The following GPC5 variants were observed in gnomAD, a reference collection of about 807,000 sequenced individuals.
The protein encoded by GPC5 is glypican-5.
GPC5 carries 47 observed loss-of-function variants against 53.9 expected under a neutral mutation model. That is an observed-to-expected ratio of 0.87 (90% CI 0.69 to 1.11). The LOEUF is 1.11. Among genes scored for constraint, GPC5 ranks in the 50% most tolerant of loss-of-function variants. The probability of loss-of-function intolerance (pLI) is 0.00; values close to 1 mark genes in which losing one functional copy is unlikely to be tolerated. For missense variants in GPC5, 748 were observed against 713.1 expected, an observed-to-expected ratio of 1.05 and a Z score of -0.56; for synonymous variants, 286 against 263.3, an observed-to-expected ratio of 1.09 and a Z score of -0.84.
At chr13:92,383,025 A>G (rs1594152264) in intron 7 of GPC5, among the ~76,000 whole-genome samples, 2 of 147,624 alleles carry the variant, frequency 1.4e-5, no homozygotes, top group South Asian at 4.3e-4. Context: ...AAAAAAAAAA[A>G]GGAAATCGCA....
intron 7 of GPC5, among the ~76,000 whole-genome samples, chr13:92,380,545 C>T (rs560986828): frequency 1.3e-5 from 2 of 151,830 alleles, no homozygotes; most frequent in Non-Finnish European, 2.9e-5. Flanking sequence ...AAATGTCCAA[C>T]AATGATAGAC....
At chr13:92,766,728 TAG>T (rs753235922) in intron 7 of GPC5, among the ~76,000 whole-genome samples, 1 of 151,918 alleles carries the variant, frequency 6.6e-6, no homozygotes, top group Admixed American at 6.6e-5. Flanking sequence ...TAAGTCAAAA[TAG>T]AGAGAGAGAG....
At chr13:91,547,963 T>A (rs2138800876) in intron 2 of GPC5, among the ~76,000 whole-genome samples, 1 of 152,236 alleles carries the variant, frequency 6.6e-6, no homozygotes, top group South Asian at 2.1e-4. Flanking sequence ...GAGAGGAATT[T>A]CCTCAACTTG....
chr13:92,390,444 C>T lies in GPC5; in HGVS notation c.1561+245455C>T, dbSNP rs377298333. On this transcript the variant is annotated intron_variant, in intron 7 of 7. Coordinates refer to ENST00000377067, the MANE Select transcript of GPC5 (RefSeq NM_004466.6). ...TCTACAAAGATAAACAATGAACCAGCATTAGGGTGATGGAGACATTTGTGT... is the reference window on the plus strand; with the variant it reads ...TCTACAAAGATAAACAATGAACCAGTATTAGGGTGATGGAGACATTTGTGT... 2.6e-5 allele frequency among the ~76,000 whole-genome samples: 4 copies of T among 152,170 alleles called. No individual in the cohort carries two copies. In the East Asian group the frequency reaches 7.7e-4, roughly 29 times the overall value.
chr13:92,296,660 T>C (rs1566525578), intron 7 of GPC5, among the ~76,000 whole-genome samples: 1 of 152,018 alleles, frequency 6.6e-6, no homozygotes, highest in Non-Finnish European at 1.5e-5. Context: ...CAGGGAGGTA[T>C]GGAGGGAGAG....
chr13:92,652,753 C>T (rs935651698), intron 7 of GPC5, among the ~76,000 whole-genome samples: 11 of 152,144 alleles, frequency 7.2e-5, no homozygotes, highest in African/African-American at 2.4e-4. Flanking sequence ...CTCATCATAG[C>T]ATCATGGCAA....
rs751242834 is a variant in GPC5, at chr13:91,459,119, G to C, written c.325+10197G>C. ...CACTGGGTACAGTGCACACTGCTTGGGTGATGGGTGCACCAAAATTTCAGA... is the reference window on the plus strand; with the variant it reads ...CACTGGGTACAGTGCACACTGCTTGCGTGATGGGTGCACCAAAATTTCAGA... On this transcript the variant is annotated intron_variant, in intron 2 of 7. Transcript: ENST00000377067. 5.3e-5 allele frequency among the ~76,000 whole-genome samples: 8 copies of C among 151,774 alleles called. 1 individual carries two copies. Among genetic ancestry groups the C allele is most frequent in the Non-Finnish European group, 1.2e-4 (8 of 67,942 alleles).
At chr13:92,024,414 C>G (rs1346263292) in intron 6 of GPC5, among the ~76,000 whole-genome samples, 1 of 152,150 alleles carries the variant, frequency 6.6e-6, no homozygotes, top group African/African-American at 2.4e-5. Flanking sequence ...CCAGACCTCT[C>G]TCCCTCCATC....
chr13:91,999,745 T>C (rs2040537902), intron 6 of GPC5, among the ~76,000 whole-genome samples: 1 of 152,246 alleles, frequency 6.6e-6, no homozygotes, highest in African/African-American at 2.4e-5. Context: ...TCTATTATTT[T>C]AATTTTATTT....
chr13:92,105,935 C>T (rs1594765340), intron 6 of GPC5, among the ~76,000 whole-genome samples: 1 of 151,946 alleles, frequency 6.6e-6, no homozygotes, highest in Non-Finnish European at 1.5e-5. Context: ...TATTGCCTAC[C>T]TTGGTCTTCA....
At chr13:92,518,406 C>A (rs891251631) in intron 7 of GPC5, among the ~76,000 whole-genome samples, 10 of 152,080 alleles carry the variant, frequency 6.6e-5, no homozygotes, top group African/African-American at 2.4e-4. Flanking sequence ...AAAGGGAACC[C>A]CATCAGACTA....
intron 5 of GPC5, among the ~76,000 whole-genome samples, chr13:91,842,255 T>C (rs937744674): frequency 1.3e-5 from 2 of 151,496 alleles, no homozygotes; most frequent in Admixed American, 6.6e-5. Context: ...AAAGGAGAGG[T>C]AAAGAGTGAA....
At chr13:91,741,571 GTAGA>G (rs1366156361) in intron 4 of GPC5, among the ~76,000 whole-genome samples, 4 of 152,208 alleles carry the variant, frequency 2.6e-5, no homozygotes, top group African/African-American at 7.2e-5. Flanking sequence ...TATTGCTAAG[GTAGA>G]TAGATTCATA....
At chr13:92,547,018 C>A (rs564051416) in intron 7 of GPC5, among the ~76,000 whole-genome samples, 1 of 152,178 alleles carries the variant, frequency 6.6e-6, no homozygotes, top group Non-Finnish European at 1.5e-5. Context: ...AAAATTAATT[C>A]TAGATGGATT....
At chr13:92,812,505 AC>A (rs1258941554) in intron 7 of GPC5, among the ~76,000 whole-genome samples, 4 of 151,926 alleles carry the variant, frequency 2.6e-5, no homozygotes, top group Non-Finnish European at 5.9e-5. Context: ...ATAAGTAAAA[AC>A]ACTCAAAAAA....
chr13:92,091,718 A>G (rs1414549280), intron 6 of GPC5, among the ~76,000 whole-genome samples: 8 of 151,796 alleles, frequency 5.3e-5, no homozygotes, highest in Admixed American at 1.3e-4. Flanking sequence ...TTAATTCAAA[A>G]GTTCCCAATG....
At chr13:91,480,558 C>T (rs980593450) in intron 2 of GPC5, among the ~76,000 whole-genome samples, 2 of 152,200 alleles carry the variant, frequency 1.3e-5, no homozygotes, top group African/African-American at 2.4e-5. Flanking sequence ...TAATTCACTA[C>T]AGCCTCAGTA....
At chr13:92,558,172 A>G (rs560918065) in intron 7 of GPC5, among the ~76,000 whole-genome samples, 86 of 152,156 alleles carry the variant, frequency 5.7e-4, no homozygotes, top group African/African-American at 2.0e-3. Flanking sequence ...GGCATAATTG[A>G]TAGTAAATCA....
intron 7 of GPC5, among the ~76,000 whole-genome samples, chr13:92,609,548 A>G (rs1488136343): frequency 1.3e-5 from 2 of 152,184 alleles, no homozygotes; most frequent in African/African-American, 4.8e-5. Context: ...TGATGAGGCC[A>G]GTTAACGTAA....
Sources: allele counts gnomAD v4.1 joint callset (sites outside exome capture counted in the v4.1 genomes callset), GRCh38; gene constraint gnomAD v4.1.1; transcripts MANE v1.5; gene names NCBI Gene and HGNC (gene_info 2026-07-23, HGNC 2026-07-21).